Variants in RALYL observed in about 807,000 individuals in gnomAD.
RALYL encodes the protein RNA-binding Raly-like protein.
In RALYL, 29 loss-of-function variants were observed where a neutral mutation model predicts 35.1. That is an observed-to-expected ratio of 0.83 (90% CI 0.61 to 1.13). RALYL has a LOEUF of 1.13. Ranked by LOEUF, RALYL falls within the 50% of genes most tolerant of loss-of-function variation. The pLI is 0.00. For synonymous variants in RALYL, 120 were observed against 127.6 expected, an observed-to-expected ratio of 0.94 and a Z score of 0.40; for missense variants, 359 against 360.4, an observed-to-expected ratio of 1.00 and a Z score of 0.03.
chr8:84,512,492 T>C (rs180901063), intron 1 of RALYL, among the ~76,000 whole-genome samples: 22 of 152,276 alleles, frequency 1.4e-4, no homozygotes, highest in African/African-American at 5.1e-4. Context: ...GTCTCCCCAC[T>C]CTGTTAATTG....
chr8:84,481,761 A>T (rs2054066771), intron 1 of RALYL, among the ~76,000 whole-genome samples: 1 of 152,154 alleles, frequency 6.6e-6, no homozygotes, highest in Non-Finnish European at 1.5e-5. Context: ...TATCTAAAAC[A>T]GTAAAACTAA....
intron 2 of RALYL, among the ~76,000 whole-genome samples, chr8:84,597,583 T>G (rs1457059928): frequency 6.6e-6 from 1 of 152,124 alleles, no homozygotes; most frequent in Non-Finnish European, 1.5e-5. Context: ...GTATCTAAAG[T>G]AGGGATCAGC....
At chr8:84,301,529 G>A (rs945220763) in intron 1 of RALYL, among the ~76,000 whole-genome samples, 14 of 151,932 alleles carry the variant, frequency 9.2e-5, no homozygotes, top group African/African-American at 3.4e-4. Flanking sequence ...GATAGTGCGA[G>A]GCCATAAAAA....
intron 2 of RALYL, among the ~76,000 whole-genome samples, chr8:84,754,844 G>A (rs1255043728): frequency 6.6e-6 from 1 of 152,140 alleles, no homozygotes; most frequent in African/African-American, 2.4e-5. Context: ...TAACCATTGA[G>A]TACTTATATG....
chr8:84,546,345 G>A (rs783786), intron 2 of RALYL, among the ~76,000 whole-genome samples: 1 of 152,132 alleles, frequency 6.6e-6, no homozygotes, highest in Non-Finnish European at 1.5e-5. Flanking sequence ...GTCTCAAACT[G>A]CTAGGCTCAA....
intron 2 of RALYL, among the ~76,000 whole-genome samples, chr8:84,729,432 G>A (rs1289775914): frequency 6.6e-6 from 1 of 151,922 alleles, no homozygotes; most frequent in Non-Finnish European, 1.5e-5. Context: ...GAGAAAGCAG[G>A]AAAGATCCAA....
At chr8:84,256,358 T>C (rs1831208589) in intron 1 of RALYL, among the ~76,000 whole-genome samples, 1 of 77,486 alleles carries the variant, frequency 1.3e-5, no homozygotes, top group African/African-American at 1.0e-4. Flanking sequence ...ACCTGTATTT[T>C]GCTACCTATT....
At chr8:84,800,958 C>T (rs1220736951) in intron 3 of RALYL, among the ~76,000 whole-genome samples, 1 of 152,150 alleles carries the variant, frequency 6.6e-6, no homozygotes, top group African/African-American at 2.4e-5. Context: ...TAGAAAATCT[C>T]ATATTCTTCC....
chr8:84,705,159 C>T (rs1264957881), intron 2 of RALYL, among the ~76,000 whole-genome samples: 7 of 152,286 alleles, frequency 4.6e-5, no homozygotes, highest in Middle Eastern at 6.8e-3. Flanking sequence ...CCAGGCATTG[C>T]TCTCAGAAAA....
intron 1 of RALYL, among the ~76,000 whole-genome samples, chr8:84,515,826 A>G (rs2058017723): frequency 6.6e-6 from 1 of 152,150 alleles, no homozygotes. Flanking sequence ...ATGTTAACCT[A>G]CCAGAAAGAT....
intron 2 of RALYL, among the ~76,000 whole-genome samples, chr8:84,657,882 G>C (rs1564323200): frequency 1.3e-5 from 2 of 152,130 alleles, no homozygotes. Context: ...GTTTGATATA[G>C]ATTGCTGTCC....
intron 2 of RALYL, among the ~76,000 whole-genome samples, chr8:84,638,390 C>A (rs1302048209): frequency 6.6e-6 from 1 of 151,686 alleles, no homozygotes; most frequent in East Asian, 1.9e-4. Flanking sequence ...TAAGCTCACA[C>A]CTGAAAGAAC....
chr8:84,670,815 A>T (rs1833063422), intron 2 of RALYL, among the ~76,000 whole-genome samples: 7 of 152,198 alleles, frequency 4.6e-5, no homozygotes, highest in Admixed American at 3.9e-4. Flanking sequence ...TTGGGTGAGG[A>T]CAGAGCCAAA....
chr8:84,379,910 T>C (rs1327484540), intron 1 of RALYL, among the ~76,000 whole-genome samples: 1 of 151,572 alleles, frequency 6.6e-6, no homozygotes, highest in Admixed American at 6.6e-5. Context: ...TATAAAAATA[T>C]GCTGTTTTAA....
intron 1 of RALYL, among the ~76,000 whole-genome samples, chr8:84,486,767 ATAATT>A (rs2054674540): frequency 6.6e-6 from 1 of 152,102 alleles, no homozygotes; most frequent in Non-Finnish European, 1.5e-5. Flanking sequence ...TAATTACAAT[ATAATT>A]TATGTTTATA....
chr8:84,672,604 G>C (rs2131842296), intron 2 of RALYL, among the ~76,000 whole-genome samples: 1 of 152,308 alleles, frequency 6.6e-6, no homozygotes. Context: ...TGGACTCACA[G>C]TTCCACATGA....
intron 1 of RALYL, among the ~76,000 whole-genome samples, chr8:84,454,767 A>G (rs576885955): frequency 2.6e-5 from 4 of 152,182 alleles, no homozygotes; most frequent in African/African-American, 9.6e-5. Flanking sequence ...TAGAGTCACA[A>G]CTTCTATGGA....
At chr8:84,834,088 A>T (rs1340669850) in intron 4 of RALYL, among the ~76,000 whole-genome samples, 1 of 152,206 alleles carries the variant, frequency 6.6e-6, no homozygotes, top group Non-Finnish European at 1.5e-5. Context: ...AAATCATAAA[A>T]ATATCAACTG....
At chr8:84,712,621 T>A (rs1842369413) in intron 2 of RALYL, among the ~76,000 whole-genome samples, 1 of 152,210 alleles carries the variant, frequency 6.6e-6, no homozygotes, top group South Asian at 2.1e-4. Flanking sequence ...CCTGCTCTTT[T>A]AATTTCTCTT....
Sources: gnomAD v4.1 joint callset for allele counts (sites outside exome capture counted in the v4.1 genomes callset) on GRCh38, gnomAD v4.1.1 for gene constraint, MANE v1.5 for transcripts, NCBI Gene and HGNC (gene_info 2026-07-23, HGNC 2026-07-21) for gene names.